Variants in SCN9A observed in about 807,000 individuals in gnomAD.
SCN9A encodes the protein sodium voltage-gated channel alpha subunit 9.
In SCN9A, 131 loss-of-function variants were observed where a neutral mutation model predicts 187.0. The ratio of observed to expected loss-of-function variants is 0.70; its 90% CI spans 0.61 to 0.81. SCN9A has a LOEUF of 0.81. SCN9A is among the 30% of genes least tolerant of loss of function. The pLI is 0.00. For missense variants in SCN9A, 2,252 were observed against 2,396.6 expected, an observed-to-expected ratio of 0.94 and a Z score of 1.26; for synonymous variants, 809 against 808.6, an observed-to-expected ratio of 1.00 and a Z score of -0.01.
At chr2:166,357,726 C>T (rs527721202) in intron 1 of SCN9A, among the ~76,000 whole-genome samples, 8 of 152,300 alleles carry the variant, frequency 5.3e-5, no homozygotes, top group Non-Finnish European at 1.0e-4. Context: ...CCTCACTCCT[C>T]ACTAGTCAAG....
chr2:166,278,060 A>G, intron 15 of SCN9A, 80 bp downstream of exon 15: 1 of 1,226,586 alleles, frequency 8.2e-7, no homozygotes, highest in Non-Finnish European at 1.1e-6. Flanking sequence ...TCAAATTCCC[A>G]AAAGTTTTTA....
chr2:166,203,349 CAAG>C (rs1693636055), intron 26 of SCN9A, among the ~76,000 whole-genome samples: 1 of 151,538 alleles, frequency 6.6e-6, no homozygotes, highest in Non-Finnish European at 1.5e-5. Flanking sequence ...ACAACAAAAA[CAAG>C]AAGATAGAAA....
intron 17 of SCN9A, among the ~76,000 whole-genome samples, chr2:166,256,338 C>A (rs1359409582): frequency 6.8e-6 from 1 of 147,234 alleles, no homozygotes; most frequent in Non-Finnish European, 1.5e-5. Context: ...TCTCTACAAT[C>A]TTTTTTTTTT....
rs561855821 is a variant in SCN9A at position 166,210,120 on chromosome 2, T to C, written c.4399-5656A>G. Among the ~76,000 whole-genome samples, 622 of 152,230 alleles carry C rather than the reference T, an allele frequency of 4.1e-3. 6 individuals are homozygous for C. The highest frequency in any genetic ancestry group is 0.014 in the African/African-American group (576 of 41,536). ...GGCACATATACACCATGGAATACTA[T>C]GCAGCCATAAAAAAGGATGAGCTCA... On this transcript the variant is annotated intron_variant, in intron 24 of 26. Transcript: ENST00000642356.
intron 1 of SCN9A, among the ~76,000 whole-genome samples, chr2:166,361,287 A>G (rs1700278072): frequency 6.6e-6 from 1 of 152,176 alleles, no homozygotes; most frequent in African/African-American, 2.4e-5. Context: ...CTTAGGAACG[A>G]GAATATATTT....
chr2:166,324,378 T>C (rs546340639), intron 1 of SCN9A, among the ~76,000 whole-genome samples: 1 of 152,236 alleles, frequency 6.6e-6, no homozygotes, highest in African/African-American at 2.4e-5. Context: ...ATTGAGTCAG[T>C]ATAAATATTT....
chr2:166,309,056 GAAGA>G (rs1216739975), intron 2 of SCN9A, among the ~76,000 whole-genome samples: 1 of 151,266 alleles, frequency 6.6e-6, no homozygotes, highest in Non-Finnish European at 1.5e-5. Context: ...AAAATGAAAA[GAAGA>G]AAGTAACTAA....
intron 7 of SCN9A, chr2:166,296,082 T>C (rs1698289440): frequency 6.6e-6 from 1 of 152,216 alleles, no homozygotes; most frequent in South Asian, 2.1e-4. Flanking sequence ...AGAAAGACTA[T>C]GAAATCAGAT....
chr2:166,360,151 G>T (rs375763051), intron 1 of SCN9A, among the ~76,000 whole-genome samples: 1 of 148,824 alleles, frequency 6.7e-6, no homozygotes, highest in African/African-American at 2.5e-5. Context: ...AACCCGGGAG[G>T]TGGATTGTAG....
intron 5 of SCN9A, among the ~76,000 whole-genome samples, chr2:166,304,938 AAAAGGAG>A (rs1303966338): frequency 1.2e-4 from 19 of 152,248 alleles, no homozygotes; most frequent in African/African-American, 4.6e-4. Flanking sequence ...CAATAGGAAA[AAAAGGAG>A]ACCTATGAGA....
intron 15 of SCN9A, 52 bp downstream of exon 15, chr2:166,278,088 A>G: frequency 3.5e-6 from 5 of 1,433,958 alleles, no homozygotes; most frequent in Non-Finnish European, 4.7e-6. Flanking sequence ...TGCAAAACCA[A>G]AGAAATACCC....
rs1333293043 is a variant in SCN9A, at chr2:166,197,450, A to C, written c.*1222T>G. On this transcript the variant is annotated 3_prime_UTR_variant, in exon 27 of 27. Transcript: ENST00000642356. ...GTATACATTGAAGTATATCCAAAAA[A>C]GATTACTTCCATAATTTAGGAAAGT... 1 of 152,182 alleles carries C rather than the reference A, an allele frequency of 6.6e-6. No homozygotes were observed. Among genetic ancestry groups the C allele is most frequent in the Non-Finnish European group, 1.5e-5 (1 of 68,000 alleles). 9.4% of individuals were successfully genotyped at this position (152,182 alleles called of 1,614,324 possible).
intron 18 of SCN9A, among the ~76,000 whole-genome samples, chr2:166,244,783 G>C (rs1354373869): frequency 6.6e-6 from 1 of 151,944 alleles, no homozygotes; most frequent in Non-Finnish European, 1.5e-5. Context: ...TCTTAACTCT[G>C]CATTTAGCAA....
At chr2:166,374,504 A>G (rs1359466581) in intron 1 of SCN9A, among the ~76,000 whole-genome samples, 1 of 152,176 alleles carries the variant, frequency 6.6e-6, no homozygotes. Flanking sequence ...CACCATAATT[A>G]TAAGAAAAAA....
intron 1 of SCN9A, chr2:166,321,473 T>G (rs1323641420): frequency 6.6e-6 from 1 of 150,722 alleles, no homozygotes; most frequent in Non-Finnish European, 1.5e-5. Context: ...CAGTGAGCCA[T>G]GATCACACCA....
intron 1 of SCN9A, among the ~76,000 whole-genome samples, chr2:166,375,364 G>C (rs1212625329): frequency 6.6e-6 from 1 of 152,178 alleles, no homozygotes; most frequent in Non-Finnish European, 1.5e-5. Flanking sequence ...AACTCTGCTA[G>C]CGTAAACAGA....
chr2:166,350,737 A>G (rs955756379), intron 1 of SCN9A, among the ~76,000 whole-genome samples: 2 of 152,130 alleles, frequency 1.3e-5, no homozygotes, highest in Non-Finnish European at 2.9e-5. Context: ...CATCTTGCCC[A>G]CTGGTGATCA....
chr2:166,199,867 G>GT lies in SCN9A; in HGVS notation c.4775-4dup, dbSNP rs1558940792. ...AATCAAATCAGCTAGAAACATACCT[G>GT]TATGTGGAGGAAAATAATAGAAATA... is the stretch of plus-strand genomic sequence containing the variant. On this transcript the variant is annotated splice_region_variant and splice_polypyrimidine_tract_variant and intron_variant, in intron 26 of 26. Transcript: ENST00000642356. The GT allele has an allele frequency of 1.9e-6, 3 of 1,604,346 alleles. No homozygotes were observed. The highest frequency in any genetic ancestry group is 2.6e-6 in the Non-Finnish European group (3 of 1,174,038).
At chr2:166,354,429 C>CA (rs1700107325) in intron 1 of SCN9A, among the ~76,000 whole-genome samples, 1 of 151,992 alleles carries the variant, frequency 6.6e-6, no homozygotes, top group South Asian at 2.1e-4. Flanking sequence ...ATATGGTGGA[C>CA]ACCAACTAAA....
Sources: gnomAD v4.1 joint callset for allele counts (sites outside exome capture counted in the v4.1 genomes callset) on GRCh38, gnomAD v4.1.1 for gene constraint, MANE v1.5 for transcripts, NCBI Gene and HGNC (gene_info 2026-07-23, HGNC 2026-07-21) for gene names.